The following ROBO1 variants were observed in gnomAD, a reference collection of about 807,000 sequenced individuals.
ROBO1 encodes roundabout homolog 1.
In ROBO1, 149 loss-of-function variants were observed where a neutral mutation model predicts 195.9. That is an observed-to-expected ratio of 0.76 (90% CI 0.67 to 0.87). The LOEUF (loss-of-function observed/expected upper bound fraction) is 0.87. Ranked by LOEUF, ROBO1 falls within the 40% of genes least tolerant of loss-of-function variation. The pLI is 0.00. For synonymous variants in ROBO1, 816 were observed against 733.2 expected, an observed-to-expected ratio of 1.11 and a Z score of -1.82; for missense variants, 1,933 against 2,068.3, an observed-to-expected ratio of 0.93 and a Z score of 1.27.
rs147330073 is a variant in ROBO1 at position 78,629,570 on chromosome 3, C to G, written c.3626+1591G>C. ...ACTTAGCTGGGTGCTGTGGTACAAG[C>G]CTGTAGTCTCAGCTACTTGGGAGGC... On this transcript the variant is annotated intron_variant, in intron 25 of 30. Coordinates refer to ENST00000464233, the MANE Select transcript of ROBO1 (RefSeq NM_002941.4). Among the ~76,000 whole-genome samples the G allele has an allele frequency of 3.7e-3, 559 of 152,152 alleles. 2 individuals are homozygous for G. The highest frequency in any genetic ancestry group is 0.013 in the African/African-American group (536 of 41,494).
At chr3:78,711,577 G>A (rs1034259754) in intron 8 of ROBO1, among the ~76,000 whole-genome samples, 49 of 149,648 alleles carry the variant, frequency 3.3e-4, no homozygotes, top group African/African-American at 1.2e-3. Context: ...CCTCTGTCTC[G>A]CAGGTTCAAG....
intron 2 of ROBO1, among the ~76,000 whole-genome samples, chr3:79,316,317 G>C (rs1205945643): frequency 6.6e-6 from 1 of 152,114 alleles, no homozygotes; most frequent in African/African-American, 2.4e-5. Context: ...AAAAGTGACA[G>C]TAACTAGAGA....
At chr3:79,193,257 C>G (rs1281327563) in intron 2 of ROBO1, among the ~76,000 whole-genome samples, 1 of 151,600 alleles carries the variant, frequency 6.6e-6, no homozygotes, top group Non-Finnish European at 1.5e-5. Context: ...TGGTTGGATA[C>G]AAAAGTTTGT....
intron 4 of ROBO1, among the ~76,000 whole-genome samples, chr3:78,794,300 T>A (rs2084117118): frequency 6.6e-6 from 1 of 152,174 alleles, no homozygotes; most frequent in South Asian, 2.1e-4. Context: ...ACTATGAGAA[T>A]CACATAAAAT....
chr3:79,274,264 C>T lies in ROBO1; in HGVS notation c.89-148725G>A, dbSNP rs185908254. ...TCTCAAGGATAGAGCATATGTTAGG[C>T]CACATTTTTTTTTAAATTGAAGCTA... On this transcript the variant is annotated intron_variant, in intron 2 of 30. Coordinates refer to ENST00000464233, the MANE Select transcript of ROBO1 (RefSeq NM_002941.4). 7.5e-4 allele frequency among the ~76,000 whole-genome samples: 114 copies of T among 151,654 alleles called. 2 individuals carry two copies. Among genetic ancestry groups the T allele is most frequent in the Non-Finnish European group, 2.1e-4 (14 of 67,646 alleles).
At chr3:78,662,246 A>C (rs1408385155) in intron 14 of ROBO1, 132 bp from the exon 15 acceptor site, 9 of 184,826 alleles carry the variant, frequency 4.9e-5, no homozygotes, top group Non-Finnish European at 7.7e-5. Flanking sequence ...GTGATTCGGA[A>C]AAAAAAAAAA....
At chr3:78,735,867 C>G (rs10511125) in intron 5 of ROBO1, among the ~76,000 whole-genome samples, 2 of 151,952 alleles carry the variant, frequency 1.3e-5, no homozygotes, top group Non-Finnish European at 1.5e-5. Context: ...AGAACTCTTA[C>G]GATGGGAGAC....
At chr3:79,573,173 C>T (rs1020723327) in intron 2 of ROBO1, among the ~76,000 whole-genome samples, 1 of 152,086 alleles carries the variant, frequency 6.6e-6, no homozygotes, top group Non-Finnish European at 1.5e-5. Flanking sequence ...CTCGTCTTCC[C>T]GAGTGGCTGG....
At chr3:78,680,897 A>G (rs941309076) in intron 10 of ROBO1, among the ~76,000 whole-genome samples, 5 of 149,990 alleles carry the variant, frequency 3.3e-5, no homozygotes, top group African/African-American at 1.2e-4. Context: ...TGTTTATTGC[A>G]GCACTATTCA....
intron 2 of ROBO1, among the ~76,000 whole-genome samples, chr3:79,557,871 A>C (rs1266677815): frequency 6.6e-6 from 1 of 151,434 alleles, no homozygotes; most frequent in East Asian, 1.9e-4. Context: ...CATCATGGCA[A>C]ATGAGGAAAA....
In ROBO1 at chr3:79,758,523, A is replaced by C. The variant is rs140767613; in HGVS notation, c.-51+9229T>G. Among the ~76,000 whole-genome samples, 55 of 152,362 alleles carry C rather than the reference A, an allele frequency of 3.6e-4. No individual in the cohort carries two copies. The East Asian group carries it at 5.0e-3, about 14-fold the overall frequency. On this transcript the variant is annotated intron_variant, in intron 1 of 30. Coordinates refer to ENST00000464233, the MANE Select transcript of ROBO1 (RefSeq NM_002941.4). ...TAAAGGGTAATACAGGTAAGTGCTCAGTCTTATTCAAACACGAATGAGAGA... is the reference window on the plus strand; with the variant it reads ...TAAAGGGTAATACAGGTAAGTGCTCCGTCTTATTCAAACACGAATGAGAGA...
At chr3:79,308,902 A>T (rs2033348163) in intron 2 of ROBO1, among the ~76,000 whole-genome samples, 1 of 152,178 alleles carries the variant, frequency 6.6e-6, no homozygotes, top group African/African-American at 2.4e-5. Flanking sequence ...AAAACAATTG[A>T]ACAATATTCA....
intron 2 of ROBO1, among the ~76,000 whole-genome samples, chr3:79,565,371 C>A (rs757348065): frequency 2.6e-4 from 39 of 151,346 alleles, no homozygotes; most frequent in Admixed American, 9.2e-4. Context: ...TAATATATGG[C>A]AGAAATTTGA....
At chr3:79,190,320 G>C (rs1030973945) in intron 2 of ROBO1, among the ~76,000 whole-genome samples, 1 of 151,606 alleles carries the variant, frequency 6.6e-6, no homozygotes, top group African/African-American at 2.4e-5. Context: ...TGTGTGTTTG[G>C]CTATTGAGTA....
At chr3:79,555,731 GTAAAACTT>G (rs1364871489) in intron 2 of ROBO1, among the ~76,000 whole-genome samples, 1 of 152,054 alleles carries the variant, frequency 6.6e-6, no homozygotes, top group Non-Finnish European at 1.5e-5. Context: ...TTTCTTTTCT[GTAAAACTT>G]TAAAGATTTC....
chr3:79,589,682 T>C (rs1448519441), intron 2 of ROBO1, 142 bp downstream of exon 2: 3 of 636,220 alleles, frequency 4.7e-6, no homozygotes, highest in African/African-American at 3.7e-5. Context: ...TCAGCACTCA[T>C]ACTCAAGAAG....
chr3:79,504,434 G>A (rs182085126), intron 2 of ROBO1, among the ~76,000 whole-genome samples: 1 of 152,146 alleles, frequency 6.6e-6, no homozygotes, highest in African/African-American at 2.4e-5. Flanking sequence ...TGTTTCCTAT[G>A]AAGAATGTAT....
chr3:78,726,706 C>G (rs2082170151), intron 5 of ROBO1, among the ~76,000 whole-genome samples: 1 of 152,138 alleles, frequency 6.6e-6, no homozygotes, highest in Non-Finnish European at 1.5e-5. Flanking sequence ...CCTGGCGTGG[C>G]TTCTTAACAA....
chr3:79,063,127 G>A (rs1337123120), intron 3 of ROBO1, among the ~76,000 whole-genome samples: 1 of 151,800 alleles, frequency 6.6e-6, no homozygotes, highest in African/African-American at 2.4e-5. Context: ...CATGAACATA[G>A]CCACAGAAAA....
Sources: allele counts gnomAD v4.1 joint callset (sites outside exome capture counted in the v4.1 genomes callset), GRCh38; gene constraint gnomAD v4.1.1; transcripts MANE v1.5; gene names NCBI Gene and HGNC (gene_info 2026-07-23, HGNC 2026-07-21).